EXOC6B: variants seen among roughly 807,000 people sequenced by gnomAD.
The protein encoded by EXOC6B is exocyst complex component 6B.
Under a neutral mutation model 113.5 loss-of-function variants are expected in EXOC6B, and 54 were observed. The observed-to-expected ratio is 0.48, with a 90% CI of 0.38 to 0.60. EXOC6B has a LOEUF of 0.60. Ranked by LOEUF, EXOC6B falls within the 20% of genes least tolerant of loss-of-function variation. The pLI, the probability that EXOC6B is intolerant of heterozygous loss-of-function variation, is 0.00. For missense variants in EXOC6B, 797 were observed against 977.5 expected, an observed-to-expected ratio of 0.82 and a Z score of 2.46; for synonymous variants, 357 against 339.0, an observed-to-expected ratio of 1.05 and a Z score of -0.58.
intron 20 of EXOC6B, among the ~76,000 whole-genome samples, chr2:72,300,885 T>C (rs2104753249): frequency 6.6e-6 from 1 of 152,270 alleles, no homozygotes; most frequent in East Asian, 1.9e-4. Context: ...CCCAATGAGA[T>C]GAACCGGGTA....
At chr2:72,455,383 G>A (rs1348155778) in intron 18 of EXOC6B, among the ~76,000 whole-genome samples, 2 of 152,090 alleles carry the variant, frequency 1.3e-5, no homozygotes, top group Admixed American at 6.6e-5. Flanking sequence ...CACCCGTTCC[G>A]GGAATTGTTC....
intron 1 of EXOC6B, among the ~76,000 whole-genome samples, chr2:72,774,430 GA>G (rs1391721900): frequency 6.6e-6 from 1 of 152,120 alleles, no homozygotes; most frequent in Non-Finnish European, 1.5e-5. Flanking sequence ...AGAATGAAGA[GA>G]AACTACATCA....
rs1179129405 is a variant in EXOC6B at position 72,189,399 on chromosome 2, A to AG, written c.2197-5213dup. Among the ~76,000 whole-genome samples the AG allele has an allele frequency of 2.6e-5, 4 of 152,286 alleles. No homozygotes were observed. The East Asian group carries it at 7.7e-4, about 29-fold the overall frequency. On this transcript the variant is annotated intron_variant, in intron 20 of 21. Coordinates refer to ENST00000272427, the MANE Select transcript of EXOC6B (RefSeq NM_015189.3). Reference sequence around the variant, plus strand: ...GTCCTCCTCAGGGTATCACCTCTGGAGGCATACAAATGCTCATTTTTCCCT... The same window carrying AG: ...GTCCTCCTCAGGGTATCACCTCTGGAGGGCATACAAATGCTCATTTTTCCCT...
intron 18 of EXOC6B, among the ~76,000 whole-genome samples, chr2:72,417,697 A>G (rs1046919433): frequency 6.6e-6 from 1 of 152,196 alleles, no homozygotes; most frequent in African/African-American, 2.4e-5. Flanking sequence ...AGAAAAATGT[A>G]TATGTTTAGT....
chr2:72,592,630 C>T (rs181356029), intron 6 of EXOC6B, among the ~76,000 whole-genome samples: 7 of 152,274 alleles, frequency 4.6e-5, no homozygotes, highest in East Asian at 1.9e-4. Context: ...AATTTTGACA[C>T]GACAGTGCTG....
chr2:72,686,832 T>C (rs1677120494), intron 6 of EXOC6B, among the ~76,000 whole-genome samples: 1 of 152,100 alleles, frequency 6.6e-6, no homozygotes, highest in Non-Finnish European at 1.5e-5. Context: ...ATCTCATACA[T>C]ACTAAAAATC....
intron 5 of EXOC6B, among the ~76,000 whole-genome samples, chr2:72,724,893 G>C (rs1019599616): frequency 2.6e-5 from 4 of 152,110 alleles, no homozygotes; most frequent in African/African-American, 9.7e-5. Context: ...AGGGCTGAGG[G>C]GGTGGGGAGA....
chr2:72,314,566 C>T (rs1687396603), intron 20 of EXOC6B, among the ~76,000 whole-genome samples: 1 of 152,172 alleles, frequency 6.6e-6, no homozygotes, highest in Non-Finnish European at 1.5e-5. Context: ...TACGGAGGAA[C>T]ATTTATCAGC....
In EXOC6B at chr2:72,766,461, TATCAG is replaced by T. The variant is rs1182449046; in HGVS notation, c.114-24997_114-24993del. On this transcript the variant is annotated intron_variant, in intron 1 of 21. Coordinates refer to ENST00000272427, the MANE Select transcript of EXOC6B (RefSeq NM_015189.3). ...TCACAGATGATCTAGATATTGAACT[TATCAG>T]ATAAGAACTTTAAAAATGGCTATGA... 4.9e-4 allele frequency among the ~76,000 whole-genome samples: 75 copies of T among 152,086 alleles called. 1 individual carries two copies. The highest frequency in any genetic ancestry group is 4.7e-3 in the Admixed American group (72 of 15,260).
At chr2:72,353,120 C>T (rs944445544) in intron 19 of EXOC6B, among the ~76,000 whole-genome samples, 2 of 152,000 alleles carry the variant, frequency 1.3e-5, no homozygotes, top group Non-Finnish European at 2.9e-5. Flanking sequence ...GAGGGGCACC[C>T]GTGCTAAATA....
intron 20 of EXOC6B, among the ~76,000 whole-genome samples, chr2:72,277,143 A>G (rs928092679): frequency 3.3e-5 from 5 of 152,170 alleles, no homozygotes; most frequent in African/African-American, 1.2e-4. Context: ...GTGCCCTCCC[A>G]TAAAAGACTG....
At chr2:72,656,327 A>G (rs1424724958) in intron 6 of EXOC6B, among the ~76,000 whole-genome samples, 1 of 152,038 alleles carries the variant, frequency 6.6e-6, no homozygotes, top group Admixed American at 6.5e-5. Context: ...GTGAAAACAT[A>G]TATTATCAGA....
chr2:72,472,724 G>C (rs1196801147), intron 17 of EXOC6B, among the ~76,000 whole-genome samples: 2 of 151,728 alleles, frequency 1.3e-5, no homozygotes, highest in African/African-American at 4.8e-5. Context: ...TTCTGATATT[G>C]TGGATTTGGT....
intron 5 of EXOC6B, among the ~76,000 whole-genome samples, chr2:72,718,513 C>T (rs1356311669): frequency 6.6e-6 from 1 of 151,982 alleles, no homozygotes. Context: ...AGATTTTATC[C>T]AAAGAATGCA....
At chr2:72,366,886 A>C (rs1219081688) in intron 19 of EXOC6B, among the ~76,000 whole-genome samples, 1 of 152,004 alleles carries the variant, frequency 6.6e-6, no homozygotes, top group Admixed American at 6.6e-5. Context: ...TAGAGAATTT[A>C]ATATAAGTGG....
At chr2:72,754,794 T>C (rs867983781) in intron 1 of EXOC6B, among the ~76,000 whole-genome samples, 3 of 151,620 alleles carry the variant, frequency 2.0e-5, no homozygotes, top group African/African-American at 7.3e-5. Context: ...TTTAAAATTT[T>C]TTTTTGCAGA....
intron 20 of EXOC6B, among the ~76,000 whole-genome samples, chr2:72,194,569 TTCTCTCTCTCTC>T (rs141826011): frequency 7.0e-6 from 1 of 143,794 alleles, no homozygotes; most frequent in Admixed American, 6.8e-5. Flanking sequence ...GGTGAATGAT[TTCTCTCTCTCTC>T]TCTCTCTCTC....
chr2:72,182,876 A>C, intron 21 of EXOC6B: 1 of 1,230,550 alleles, frequency 8.1e-7, no homozygotes, highest in Non-Finnish European at 1.0e-6. Flanking sequence ...AAAAGGCCCA[A>C]GTGAATAATA....
chr2:72,667,208 G>A (rs1675459991), intron 6 of EXOC6B, among the ~76,000 whole-genome samples: 1 of 152,156 alleles, frequency 6.6e-6, no homozygotes, highest in Admixed American at 6.5e-5. Flanking sequence ...ACTGCTGAAA[G>A]AAATCAGAGA....
Sources: allele counts gnomAD v4.1 joint callset (sites outside exome capture counted in the v4.1 genomes callset), GRCh38; gene constraint gnomAD v4.1.1; transcripts MANE v1.5; gene names NCBI Gene and HGNC (gene_info 2026-07-23, HGNC 2026-07-21).